NBAS: variants seen among roughly 807,000 people sequenced by gnomAD.
NBAS encodes the protein NBAS subunit of NRZ tethering complex, also known as NAG/BC035112 fusion.
A neutral mutation model predicts 302.5 loss-of-function variants in NBAS; 219 were observed. That is an observed-to-expected ratio of 0.72 (90% CI 0.65 to 0.81). NBAS has a LOEUF of 0.81. NBAS is among the 30% of genes least tolerant of loss of function. The pLI, the probability that NBAS is intolerant of heterozygous loss-of-function variation, is 0.00. For missense variants in NBAS, 2,932 were observed against 2,841.6 expected (o/e 1.03, Z -0.72); for synonymous variants, 1,118 against 1,021.6 (o/e 1.09, Z -1.80).
chr2:14,981,857 C>A, the NBAS span, among the ~76,000 whole-genome samples: 4 of 152,194 alleles, frequency 2.6e-5, no homozygotes, highest in African/African-American at 9.7e-5. Context: ...TTTATGACAG[C>A]AGTGTTACCC....
chr2:15,477,560 T>C (rs1680244976), intron 13 of NBAS, among the ~76,000 whole-genome samples: 1 of 152,180 alleles, frequency 6.6e-6, no homozygotes, highest in Admixed American at 6.5e-5. Flanking sequence ...CATAAAAGCA[T>C]ATTGTAATAA....
At chr2:14,879,829 G>A in the NBAS span, among the ~76,000 whole-genome samples, 1 of 152,198 alleles carries the variant, frequency 6.6e-6, no homozygotes, top group Non-Finnish European at 1.5e-5. Context: ...ATAGAAAAGA[G>A]AGTGCATCAT....
At chr2:15,296,592 T>C (rs1412679399) in intron 40 of NBAS, among the ~76,000 whole-genome samples, 1 of 151,788 alleles carries the variant, frequency 6.6e-6, no homozygotes, top group African/African-American at 2.4e-5. Context: ...AGAAGGATGT[T>C]CTACGAGGCT....
the NBAS span, among the ~76,000 whole-genome samples, chr2:15,009,603 TACACACACAC>T: frequency 7.0e-3 from 916 of 130,758 alleles, 13 homozygotes; most frequent in African/African-American, 0.025. Context: ...TGCAACATCA[TACACACACAC>T]ACACACACAC....
the NBAS span, among the ~76,000 whole-genome samples, chr2:15,019,983 A>G: frequency 2.6e-5 from 4 of 152,170 alleles, no homozygotes; most frequent in Non-Finnish European, 5.9e-5. Flanking sequence ...ATATCTTCCT[A>G]CATAGCGTTA....
At chr2:15,551,646 T>C in intron 5 of NBAS, 110 bp from the exon 6 acceptor site, 1 of 715,330 alleles carries the variant, frequency 1.4e-6, no homozygotes, top group Non-Finnish European at 2.4e-6. Context: ...CTCAATCATA[T>C]CTCCTCTCAG....
the NBAS span, among the ~76,000 whole-genome samples, chr2:15,029,624 G>A: frequency 2.0e-5 from 3 of 152,236 alleles, no homozygotes; most frequent in East Asian, 3.9e-4. Flanking sequence ...GGCTGATGGT[G>A]ACTGATCAAA....
chr2:15,417,246 T>C (rs186938054), intron 24 of NBAS, among the ~76,000 whole-genome samples: 8 of 152,248 alleles, frequency 5.3e-5, no homozygotes, highest in Non-Finnish European at 8.8e-5. Flanking sequence ...ACAGGATTAC[T>C]AGAATCACTA....
chr2:15,539,471 A>C, intron 6 of NBAS, 115 bp from the exon 7 acceptor site: 4 of 1,280,944 alleles, frequency 3.1e-6, no homozygotes, highest in Non-Finnish European at 2.2e-6. Context: ...TCATCTCCTA[A>C]GGATCTCTAA....
rs879422458 is a variant in NBAS, at chr2:15,179,494, TGA to T, written c.6712-380_6712-379del. The T allele has an allele frequency of 2.2e-3, 435 of 193,394 alleles. 2 individuals are homozygous for T. Among genetic ancestry groups the T allele is most frequent in the East Asian group, 0.017 (99 of 5,762 alleles). The allele number at this position is 193,394 out of a possible 1,614,324, so 12.0% of individuals were successfully genotyped here. A position where few individuals can be genotyped will look rare whatever the true frequency, so the allele number is the denominator to read the frequency against. On this transcript the variant is annotated intron_variant, in intron 50 of 51. Transcript: ENST00000281513. ...TTTGTGTTTTGTGTGTGTGTGTGTG[TGA>T]GAGAGAGAGAGTTTGTATTGATGAA...
chr2:14,911,367 T>C, the NBAS span, among the ~76,000 whole-genome samples: 1 of 152,218 alleles, frequency 6.6e-6, no homozygotes, highest in East Asian at 1.9e-4. Flanking sequence ...GAGTGATCCT[T>C]CCACCTTCTG....
chr2:15,443,370 T>A (rs1341092688), intron 21 of NBAS, among the ~76,000 whole-genome samples: 1 of 151,798 alleles, frequency 6.6e-6, no homozygotes, highest in Non-Finnish European at 1.5e-5. Flanking sequence ...ATAAATGTAA[T>A]CCAGCATATA....
chr2:15,133,009 A>G, the NBAS span, among the ~76,000 whole-genome samples: 2 of 152,216 alleles, frequency 1.3e-5, no homozygotes, highest in Admixed American at 6.5e-5. Context: ...ATAAGAAATA[A>G]GTTATCAAAA....
At chr2:15,503,537 A>C (rs1004848736) in intron 11 of NBAS, among the ~76,000 whole-genome samples, 1 of 152,020 alleles carries the variant, frequency 6.6e-6, no homozygotes, top group Non-Finnish European at 1.5e-5. Context: ...GTGTAGGTCA[A>C]GACTCTTGTG....
chr2:14,929,631 G>A, the NBAS span, among the ~76,000 whole-genome samples: 1 of 152,298 alleles, frequency 6.6e-6, no homozygotes, highest in African/African-American at 2.4e-5. Context: ...GCCTGCCTTG[G>A]CCTCCCAAAG....
intron 21 of NBAS, among the ~76,000 whole-genome samples, chr2:15,428,644 T>C (rs1294975371): frequency 1.3e-5 from 2 of 152,200 alleles, no homozygotes; most frequent in Non-Finnish European, 2.9e-5. Flanking sequence ...AAAGCTGATG[T>C]AGGAGGATCG....
chr2:15,060,934 T>C, the NBAS span, among the ~76,000 whole-genome samples: 1 of 152,150 alleles, frequency 6.6e-6, no homozygotes, highest in African/African-American at 2.4e-5. Context: ...CTCAAAAGTA[T>C]GAGAAATCAG....
chr2:14,869,495 CTTTTATG>C, the NBAS span, among the ~76,000 whole-genome samples: 1 of 151,982 alleles, frequency 6.6e-6, no homozygotes, highest in Non-Finnish European at 1.5e-5. Flanking sequence ...TCTACTCCTT[CTTTTATG>C]TTTTAATTTA....
At chr2:15,506,437 G>A (rs1019621813) in intron 10 of NBAS, among the ~76,000 whole-genome samples, 6 of 152,112 alleles carry the variant, frequency 3.9e-5, no homozygotes, top group Admixed American at 2.6e-4. Flanking sequence ...TAATTTGATT[G>A]CATCAGACTT....
Sources: gnomAD v4.1 joint callset for allele counts (sites outside exome capture counted in the v4.1 genomes callset) on GRCh38, gnomAD v4.1.1 for gene constraint, MANE v1.5 for transcripts, NCBI Gene and HGNC (gene_info 2026-07-23, HGNC 2026-07-21) for gene names.